The following PDLIM5 variants were observed in gnomAD, a reference collection of about 807,000 sequenced individuals.
PDLIM5 encodes the protein PDZ and LIM domain protein 5.
A neutral mutation model predicts 64.2 loss-of-function variants in PDLIM5; 34 were observed. That is an observed-to-expected ratio of 0.53 (90% confidence interval 0.40 to 0.71). PDLIM5 has a LOEUF of 0.71. Ranked by LOEUF, PDLIM5 falls within the 30% of genes least tolerant of loss-of-function variation. The pLI is 0.00. For synonymous variants in PDLIM5, 253 were observed against 269.1 expected, an observed-to-expected ratio of 0.94 and a Z score of 0.59; for missense variants, 683 against 733.6, an observed-to-expected ratio of 0.93 and a Z score of 0.80.
intron 7 of PDLIM5, among the ~76,000 whole-genome samples, chr4:94,613,042 A>G (rs11943494): frequency 0.064 from 9,714 of 151,930 alleles, 1,064 homozygotes; most frequent in African/African-American, 0.22. Flanking sequence ...TTCTAAATAT[A>G]GAATTCTGGA....
chr4:94,574,231 G>A (rs374293165), intron 4 of PDLIM5, among the ~76,000 whole-genome samples: 1 of 152,178 alleles, frequency 6.6e-6, no homozygotes, highest in South Asian at 2.1e-4. Flanking sequence ...CGCGCGGTGG[G>A]TCACGCCTGT....
At chr4:94,564,498 A>G (rs1734121230) in intron 3 of PDLIM5, among the ~76,000 whole-genome samples, 1 of 152,080 alleles carries the variant, frequency 6.6e-6, no homozygotes, top group African/African-American at 2.4e-5. Flanking sequence ...TCACCTCATT[A>G]GAGAGGCCTT....
At chr4:94,613,798 G>A (rs62316480) in intron 7 of PDLIM5, among the ~76,000 whole-genome samples, 1 of 151,964 alleles carries the variant, frequency 6.6e-6, no homozygotes, top group African/African-American at 2.4e-5. Context: ...TTTAAATTTA[G>A]AAAATATATT....
intron 8 of PDLIM5, among the ~76,000 whole-genome samples, chr4:94,626,227 C>G: frequency 6.6e-6 from 1 of 152,160 alleles, no homozygotes. Context: ...AAGGAACAAA[C>G]ATTTAACATT....
intron 2 of PDLIM5, among the ~76,000 whole-genome samples, chr4:94,507,572 T>C (rs917475211): frequency 4.6e-5 from 7 of 152,192 alleles, no homozygotes; most frequent in African/African-American, 7.2e-5. Flanking sequence ...GGCAAACTAA[T>C]CTAACTCTGA....
intron 2 of PDLIM5, among the ~76,000 whole-genome samples, chr4:94,484,089 G>A (rs980894491): frequency 6.6e-6 from 1 of 152,112 alleles, no homozygotes; most frequent in East Asian, 1.9e-4. Flanking sequence ...TTACTAGCAC[G>A]CTGTTAGTGA....
chr4:94,532,145 A>T (rs985142640), intron 3 of PDLIM5, among the ~76,000 whole-genome samples: 5 of 152,166 alleles, frequency 3.3e-5, no homozygotes, highest in African/African-American at 7.2e-5. Context: ...GGAATTTTTT[A>T]AAAAATATGT....
chr4:94,630,736 T>C (rs1740081773), intron 8 of PDLIM5, among the ~76,000 whole-genome samples: 1 of 152,162 alleles, frequency 6.6e-6, no homozygotes, highest in African/African-American at 2.4e-5. Flanking sequence ...TGAAGTATTA[T>C]AGGATTTTTA....
chr4:94,639,345 T>C (rs1488000842), intron 8 of PDLIM5, among the ~76,000 whole-genome samples: 1 of 152,116 alleles, frequency 6.6e-6, no homozygotes, highest in Non-Finnish European at 1.5e-5. Flanking sequence ...CCTTAAATGC[T>C]GTTGGGTCAG....
intron 8 of PDLIM5, among the ~76,000 whole-genome samples, chr4:94,627,426 C>T (rs1739788322): frequency 6.6e-6 from 1 of 152,186 alleles, no homozygotes; most frequent in Non-Finnish European, 1.5e-5. Flanking sequence ...TCTTCTCTTT[C>T]TGAGATTAAA....
chr4:94,616,116 T>A (rs903607718), intron 7 of PDLIM5, among the ~76,000 whole-genome samples: 3 of 152,200 alleles, frequency 2.0e-5, no homozygotes, highest in Non-Finnish European at 4.4e-5. Flanking sequence ...TTTTGTTTCA[T>A]CTATAATTCC....
intron 5 of PDLIM5, among the ~76,000 whole-genome samples, chr4:94,578,985 G>A (rs1735512819): frequency 6.6e-6 from 1 of 151,874 alleles, no homozygotes; most frequent in Non-Finnish European, 1.5e-5. Flanking sequence ...AATTTATATA[G>A]CATTGATAAA....
chr4:94,569,332 C>CGTTTGTTT (rs57176960), intron 3 of PDLIM5, among the ~76,000 whole-genome samples: 35,525 of 151,434 alleles, frequency 0.23, 4,612 homozygotes, highest in African/African-American at 0.34. Context: ...TTTGTTTGTT[C>CGTTTGTTT]GTTTGTTTGT....
At position 94,641,374 on chromosome 4, in the gene PDLIM5, C is replaced by G. The variant is rs192698845; in HGVS notation, c.1283+924C>G. The stretch of plus-strand genomic sequence containing the variant: ...AATATTTAAAATGGAGTCAGGAAAC[C>G]TCAATACTTCATTTAGAGTCAAATA... On this transcript the variant is annotated intron_variant, in intron 9 of 12. Coordinates refer to ENST00000317968, the MANE Select transcript of PDLIM5 (RefSeq NM_006457.5). Among the ~76,000 whole-genome samples, 15 of 152,210 alleles carry G rather than the reference C, an allele frequency of 9.9e-5. No homozygotes were observed. The East Asian group carries it at 2.9e-3, about 29-fold the overall frequency.
intron 7 of PDLIM5, among the ~76,000 whole-genome samples, chr4:94,598,942 T>A (rs1363221445): frequency 6.6e-6 from 1 of 151,900 alleles, no homozygotes; most frequent in Non-Finnish European, 1.5e-5. Flanking sequence ...CAGGAATCAG[T>A]TGGTGTGTTT....
intron 3 of PDLIM5, among the ~76,000 whole-genome samples, chr4:94,525,370 A>G (rs1412795225): frequency 2.6e-5 from 4 of 152,044 alleles, no homozygotes; most frequent in Non-Finnish European, 5.9e-5. Flanking sequence ...GTGAGCCAAG[A>G]TCTTGCCACT....
intron 8 of PDLIM5, among the ~76,000 whole-genome samples, chr4:94,638,289 A>G (rs562181040): frequency 1.3e-5 from 2 of 152,314 alleles, no homozygotes; most frequent in East Asian, 1.9e-4. Context: ...ATATTACAGC[A>G]CTTTTCTTTC....
chr4:94,503,126 A>G (rs531282396), intron 2 of PDLIM5, among the ~76,000 whole-genome samples: 1 of 152,250 alleles, frequency 6.6e-6, no homozygotes, highest in Non-Finnish European at 1.5e-5. Context: ...TATGTTGGGT[A>G]TTACTTAAAT....
Position 94,576,041 on chromosome 4 carries a change from G to A in PDLIM5, c.710+7G>A, listed in dbSNP as rs1735220817. 1.9e-6 allele frequency: 3 copies of A among 1,607,038 alleles called. No individual in the cohort carries two copies. Among genetic ancestry groups the A allele is most frequent in the Non-Finnish European group, 2.6e-6 (3 of 1,174,910 alleles). On this transcript the variant is annotated splice_region_variant and intron_variant, in intron 5 of 12. Coordinates refer to ENST00000317968, the MANE Select transcript of PDLIM5 (RefSeq NM_006457.5). ...ACAGTAAACAGCAAAATGGGTAGGT[G>A]GCTAAGGTGCTTTCTGCTCTTACTA...
Sources: allele counts gnomAD v4.1 joint callset (sites outside exome capture counted in the v4.1 genomes callset), GRCh38; gene constraint gnomAD v4.1.1; transcripts MANE v1.5; gene names NCBI Gene and HGNC (gene_info 2026-07-23, HGNC 2026-07-21).